The following RIOK1 variants were observed in gnomAD, a reference collection of about 807,000 sequenced individuals.
The protein encoded by RIOK1 is serine/threonine-protein kinase RIO1.
Under a neutral mutation model 73.5 loss-of-function variants are expected in RIOK1, and 66 were observed. The observed-to-expected ratio is 0.90, with a 90% CI of 0.74 to 1.10. The LOEUF is 1.10. Ranked by LOEUF, RIOK1 falls within the 50% of genes least tolerant of loss-of-function variation. RIOK1 has a pLI of 0.00. For synonymous variants in RIOK1, 224 were observed against 226.8 expected (o/e 0.99, Z 0.11); for missense variants, 658 against 699.8 (o/e 0.94, Z 0.67).
At chr6:7,403,146 C>G (rs558585301) in intron 8 of RIOK1, among the ~76,000 whole-genome samples, 1 of 152,142 alleles carries the variant, frequency 6.6e-6, no homozygotes, top group South Asian at 2.1e-4. Context: ...ATTTATTCCA[C>G]GAAGCTAGAT....
intron 15 of RIOK1, among the ~76,000 whole-genome samples, chr6:7,413,971 G>T (rs1217439896): frequency 1.3e-5 from 2 of 152,154 alleles, no homozygotes; most frequent in Non-Finnish European, 2.9e-5. Flanking sequence ...CTGAAAGAAG[G>T]AGAACAGCTC....
intron 15 of RIOK1, among the ~76,000 whole-genome samples, chr6:7,413,231 C>T (rs1168075546): frequency 6.6e-6 from 1 of 152,048 alleles, no homozygotes; most frequent in Non-Finnish European, 1.5e-5. Context: ...TCCTGGTCGT[C>T]ATTTGTGGAG....
rs1442720417 is a variant in RIOK1, at chr6:7,402,895, C to T, written c.765C>T (p.Ile255=). Residue 255 remains isoleucine (I), a splice_region_variant and synonymous_variant, in exon 8 of 17, where the codon ATC becomes ATT. Coordinates refer to ENST00000379834, the MANE Select transcript of RIOK1 (RefSeq NM_031480.3). ...TWAEKEMRNL[I]RLNTAEIPCP... is the part of the protein sequence containing the mutation. The stretch of plus-strand genomic sequence containing the variant: ...CAGAAAAAGAAATGAGGAACTTAAT[C>T]AGGTGACTGTCTGGGATGTGTGTAT... 1 of 1,613,284 alleles carries T rather than the reference C, an allele frequency of 6.2e-7. No individual in the cohort carries two copies. The highest frequency in any genetic ancestry group is 8.5e-7 in the Non-Finnish European group (1 of 1,179,468).
At chr6:7,406,214 C>G (rs1190495621) in intron 12 of RIOK1, among the ~76,000 whole-genome samples, 2 of 152,074 alleles carry the variant, frequency 1.3e-5, no homozygotes, top group Admixed American at 1.3e-4. Context: ...CCAGGCTAGT[C>G]TTGAAATCTT....
At position 7,405,384 on chromosome 6, in the gene RIOK1, G is replaced by A. The variant is rs137866026; in HGVS notation, c.1203+29G>A. 3,214 of 1,276,424 alleles carry A rather than the reference G, an allele frequency of 2.5e-3. 13 individuals are homozygous for A. The highest frequency in any genetic ancestry group is 0.022 in the Middle Eastern group (121 of 5,392). 79.1% of individuals were successfully genotyped at this position (1,276,424 alleles called of 1,614,324 possible). On this transcript the variant is annotated intron_variant, in intron 12 of 16. Transcript: ENST00000379834. ...AGATGGGGAGAGGAAGGAGGAATAG[G>A]AAATAGCAGTACAGGTGCAGTATCT...
At position 7,414,231 on chromosome 6, in the gene RIOK1, T is replaced by C; in HGVS notation, c.1444-7T>C. Reference sequence around the variant, plus strand: ...TTAGAATAACATGGTTCTTTAATAATTTCAAGGTCCCTGCACTCCTAGAAA... The same window carrying C: ...TTAGAATAACATGGTTCTTTAATAACTTCAAGGTCCCTGCACTCCTAGAAA... On this transcript the variant is annotated splice_polypyrimidine_tract_variant and splice_region_variant and intron_variant, in intron 15 of 16. Coordinates refer to ENST00000379834, the MANE Select transcript of RIOK1 (RefSeq NM_031480.3). 6.2e-7 allele frequency: 1 copy of C among 1,600,060 alleles called. No homozygotes were observed.
chr6:7,413,228 C>G (rs1433578811), intron 15 of RIOK1, among the ~76,000 whole-genome samples: 2 of 151,906 alleles, frequency 1.3e-5, no homozygotes, highest in Non-Finnish European at 2.9e-5. Context: ...GTATCCTGGT[C>G]GTCATTTGTG....
chr6:7,416,659 AAG>A (rs1762011503), intron 16 of RIOK1, among the ~76,000 whole-genome samples: 1 of 151,558 alleles, frequency 6.6e-6, no homozygotes, highest in Admixed American at 6.6e-5. Context: ...AAAAAAAAAA[AAG>A]AGGAAGCTCA....
chr6:7,401,635 C>T (rs571341106), intron 6 of RIOK1, among the ~76,000 whole-genome samples: 2 of 150,342 alleles, frequency 1.3e-5, no homozygotes, highest in Admixed American at 1.3e-4. Context: ...AAGCAATTCT[C>T]AGTAAAATTC....
At position 7,395,014 on chromosome 6, in the gene RIOK1, T is replaced by C. The variant is rs375949170; in HGVS notation, c.277-39T>C. On this transcript the variant is annotated intron_variant, in intron 2 of 16. Transcript: ENST00000379834. ...TGTGATGATGAATCTTAGGTTTGTT[T>C]TTACAGCTAGTGCCTTAGACTCTGG... 8 of 1,610,080 alleles carry C rather than the reference T, an allele frequency of 5.0e-6. No individual in the cohort carries two copies. In the African/African-American group the frequency reaches 1.1e-4, roughly 22 times the overall value.
At chr6:7,406,874 C>T (rs1197323012) in intron 12 of RIOK1, among the ~76,000 whole-genome samples, 1 of 152,192 alleles carries the variant, frequency 6.6e-6, no homozygotes, top group Non-Finnish European at 1.5e-5. Flanking sequence ...GTTGGCCAGG[C>T]TGGTCTCCAA....
At chr6:7,406,136 A>G (rs1205347593) in intron 12 of RIOK1, among the ~76,000 whole-genome samples, 1 of 151,868 alleles carries the variant, frequency 6.6e-6, no homozygotes, top group Non-Finnish European at 1.5e-5. Context: ...AGCTAGGACT[A>G]CAGGCACACG....
chr6:7,397,677 G>A (rs1266679096), intron 4 of RIOK1, among the ~76,000 whole-genome samples: 1 of 152,186 alleles, frequency 6.6e-6, no homozygotes, highest in Non-Finnish European at 1.5e-5. Context: ...ATGTCCAAGA[G>A]GTATCAGCTT....
chr6:7,409,910 C>G (rs1291454165), intron 12 of RIOK1, among the ~76,000 whole-genome samples: 3 of 152,002 alleles, frequency 2.0e-5, no homozygotes, highest in Admixed American at 2.0e-4. Context: ...TTGTCACCCT[C>G]GTTTCAGTCA....
At chr6:7,408,825 G>A (rs1194265203) in intron 12 of RIOK1, among the ~76,000 whole-genome samples, 2 of 150,964 alleles carry the variant, frequency 1.3e-5, no homozygotes, top group African/African-American at 2.4e-5. Flanking sequence ...GGGTTCAAGC[G>A]ATTCTCCTGC....
intron 16 of RIOK1, 82 bp from the exon 17 acceptor site, chr6:7,417,249 A>G (rs1300033370): frequency 1.1e-6 from 1 of 869,866 alleles, no homozygotes; most frequent in Non-Finnish European, 1.7e-6. Flanking sequence ...GACCCTGTCT[A>G]AAAAACAAAA....
At position 7,389,941 on chromosome 6, in the gene RIOK1, A is replaced by G. The variant is rs1428451462; in HGVS notation, c.-62A>G. ...CAAGGCCTTTGGATCGGCCGTGGGT[A>G]CATCCGTCTGAGCCGTTCCTTTCCA... On this transcript the variant is annotated 5_prime_UTR_variant, in exon 1 of 17. Transcript: ENST00000379834. 1.5e-6 allele frequency: 2 copies of G among 1,357,608 alleles called. No individual in the cohort carries two copies. The highest frequency in any genetic ancestry group is 2.5e-5 in the South Asian group (2 of 78,902). The allele number at this position is 1,357,608 out of a possible 1,614,324, so 84.1% of individuals were successfully genotyped here. A position where few individuals can be genotyped will look rare whatever the true frequency, so the allele number is the denominator to read the frequency against.
intron 5 of RIOK1, among the ~76,000 whole-genome samples, chr6:7,399,664 T>C (rs1761565285): frequency 6.6e-6 from 1 of 152,204 alleles, no homozygotes; most frequent in Non-Finnish European, 1.5e-5. Context: ...ATCTGGTTTG[T>C]TACTTCTTCC....
intron 12 of RIOK1, among the ~76,000 whole-genome samples, chr6:7,405,851 A>T (rs1761732908): frequency 7.9e-6 from 1 of 126,052 alleles, no homozygotes; most frequent in South Asian, 2.5e-4. Flanking sequence ...TACTTCAATT[A>T]TCTGGCAAGA....
Sources: allele counts gnomAD v4.1 joint callset (sites outside exome capture counted in the v4.1 genomes callset), GRCh38; gene constraint gnomAD v4.1.1; transcripts MANE v1.5; gene names NCBI Gene and HGNC (gene_info 2026-07-23, HGNC 2026-07-21).